Variants in SNX13 observed in about 807,000 individuals in gnomAD.
SNX13 encodes the protein sorting nexin 13.
A neutral mutation model predicts 133.6 loss-of-function variants in SNX13; 45 were observed. The observed-to-expected ratio is 0.34, with a 90% confidence interval of 0.27 to 0.43. The LOEUF (loss-of-function observed/expected upper bound fraction) is 0.43, where lower values mean the gene tolerates loss of function less well. Among genes scored for constraint, SNX13 ranks in the 20% least tolerant of loss-of-function variants. The pLI, the probability that SNX13 is intolerant of heterozygous loss-of-function variation, is 1.00. For synonymous variants in SNX13, 414 were observed against 373.9 expected, an observed-to-expected ratio of 1.11 and a Z score of -1.24; for missense variants, 1,032 against 1,145.1, an observed-to-expected ratio of 0.90 and a Z score of 1.43.
chr7:17,800,205 T>C (rs1784465333), intron 22 of SNX13, among the ~76,000 whole-genome samples: 1 of 151,836 alleles, frequency 6.6e-6, no homozygotes, highest in Admixed American at 6.6e-5. Context: ...ATGTTATGGA[T>C]ATTATACCAT....
chr7:17,889,546 A>G (rs1391678570), intron 5 of SNX13: 2 of 152,220 alleles, frequency 1.3e-5, no homozygotes, highest in Non-Finnish European at 2.9e-5. Context: ...TCTTTCTTTC[A>G]AAAATAAATA....
chr7:17,864,403 T>C lies in SNX13; in HGVS notation c.837+4004A>G, dbSNP rs1190023990. Among the ~76,000 whole-genome samples, 17 of 152,154 alleles carry C rather than the reference T, an allele frequency of 1.1e-4. 1 individual carries two copies. Among genetic ancestry groups the C allele is most frequent in the South Asian group, 2.1e-4 (1 of 4,824 alleles). On this transcript the variant is annotated intron_variant, in intron 9 of 25. Transcript: ENST00000428135. The stretch of plus-strand genomic sequence containing the variant: ...TGAAAAATTAATCAGAGTATCTTAA[T>C]AGCAGAATTGGTCCAGCAAAAGGAA...
Position 17,803,539 on chromosome 7 carries a change from A to G in SNX13, c.2106T>C (p.Asn702=). 6.2e-7 allele frequency: 1 copy of G among 1,611,584 alleles called. No individual in the cohort carries two copies. The highest frequency in any genetic ancestry group is 1.7e-5 in the Admixed American group (1 of 59,624). ...FVNPLRNSMR[N]VSNAVKSLPD... ...GAAGGGATTTAACTGCATTTGAAACATTCCTCATTGAATTGCGAAGTGGAT... is the reference window on the plus strand; with the variant it reads ...GAAGGGATTTAACTGCATTTGAAACGTTCCTCATTGAATTGCGAAGTGGAT... The change falls in exon 21 of 26, where the codon AAT becomes AAC. Residue 702 remains asparagine, a synonymous_variant. Coordinates refer to ENST00000428135, the MANE Select transcript of SNX13 (RefSeq NM_015132.5).
At chr7:17,871,144 G>C (rs966710166) in intron 8 of SNX13, among the ~76,000 whole-genome samples, 26 of 151,922 alleles carry the variant, frequency 1.7e-4, no homozygotes, top group Admixed American at 1.0e-3. Flanking sequence ...TAGCTGGGAT[G>C]ACAGGCGCCT....
At chr7:17,833,900 C>A (rs1357781083) in intron 15 of SNX13, among the ~76,000 whole-genome samples, 152 bp downstream of exon 15, 2 of 151,674 alleles carry the variant, frequency 1.3e-5, no homozygotes, top group Non-Finnish European at 3.0e-5. Flanking sequence ...AGTATAGTCA[C>A]TAAACTTTGT....
At chr7:17,846,666 TA>T (rs74828587) in intron 11 of SNX13, among the ~76,000 whole-genome samples, 1,471 of 146,376 alleles carry the variant, frequency 0.01, 21 homozygotes, top group Middle Eastern at 0.014. Flanking sequence ...TGTAGAGAAT[TA>T]AAAAAAAAAA....
At chr7:17,892,160 AC>A (rs1216710783) in intron 3 of SNX13, among the ~76,000 whole-genome samples, 6 of 152,136 alleles carry the variant, frequency 3.9e-5, no homozygotes, top group African/African-American at 1.4e-4. Context: ...TCTTAAAAAA[AC>A]AAACCATAAA....
chr7:17,875,381 C>A, intron 7 of SNX13, 99 bp downstream of exon 7: 3 of 835,232 alleles, frequency 3.6e-6, no homozygotes, highest in Non-Finnish European at 5.6e-6. Flanking sequence ...TGCTACCTGC[C>A]CTAAGTAAGA....
intron 9 of SNX13, among the ~76,000 whole-genome samples, chr7:17,860,018 G>A (rs938883281): frequency 9.2e-5 from 14 of 152,180 alleles, no homozygotes; most frequent in East Asian, 1.9e-4. Flanking sequence ...AGACCTAGAC[G>A]TGGGATTGTT....
intron 5 of SNX13, chr7:17,889,879 T>C (rs949583969): frequency 1.3e-5 from 2 of 152,272 alleles, no homozygotes; most frequent in African/African-American, 4.8e-5. Flanking sequence ...TAAACTTGAA[T>C]ATTTTCCACT....
intron 1 of SNX13, among the ~76,000 whole-genome samples, chr7:17,926,845 T>C (rs942545501): frequency 2.0e-5 from 3 of 152,144 alleles, no homozygotes; most frequent in African/African-American, 7.2e-5. Flanking sequence ...GTGTTCGTGC[T>C]ACTGCACTCT....
At chr7:17,926,172 A>G (rs1334035439) in intron 1 of SNX13, among the ~76,000 whole-genome samples, 1 of 152,216 alleles carries the variant, frequency 6.6e-6, no homozygotes, top group Non-Finnish European at 1.5e-5. Context: ...AGTAGAGAGA[A>G]AGCAAATATG....
At chr7:17,798,899 A>G in intron 23 of SNX13, 110 bp downstream of exon 23, 1 of 1,338,512 alleles carries the variant, frequency 7.5e-7, no homozygotes, top group Non-Finnish European at 1.0e-6. Context: ...ATGTCCTTAA[A>G]AGGCCCAGAG....
At chr7:17,896,142 C>A (rs111774306) in intron 2 of SNX13, among the ~76,000 whole-genome samples, 25 of 152,296 alleles carry the variant, frequency 1.6e-4, no homozygotes, top group African/African-American at 6.0e-4. Context: ...GGCTGCAGAT[C>A]TGTAGTATCT....
intron 1 of SNX13, among the ~76,000 whole-genome samples, chr7:17,919,528 C>T (rs1799903263): frequency 6.6e-6 from 1 of 152,134 alleles, no homozygotes; most frequent in Non-Finnish European, 1.5e-5. Context: ...AAAGAAAAAT[C>T]TTAATAGCAT....
At chr7:17,893,239 C>T (rs970190217) in intron 3 of SNX13, 93 bp downstream of exon 3, 89 of 780,834 alleles carry the variant, frequency 1.1e-4, no homozygotes, top group Admixed American at 1.9e-4. Context: ...GTAAACTATA[C>T]GAAAATTTGT....
At chr7:17,837,559 T>C (rs897627919) in intron 13 of SNX13, among the ~76,000 whole-genome samples, 2 of 152,008 alleles carry the variant, frequency 1.3e-5, no homozygotes, top group African/African-American at 2.4e-5. Context: ...CCAAAAACCA[T>C]ATATATGGCT....
chr7:17,891,470 T>C, intron 4 of SNX13, 76 bp downstream of exon 4: 4 of 1,031,958 alleles, frequency 3.9e-6, no homozygotes, highest in Non-Finnish European at 5.7e-6. Flanking sequence ...GAGCAAAAAG[T>C]ATTTCCTGGT....
At chr7:17,814,408 A>G (rs889724153) in intron 20 of SNX13, among the ~76,000 whole-genome samples, 1 of 152,052 alleles carries the variant, frequency 6.6e-6, no homozygotes, top group African/African-American at 2.4e-5. Flanking sequence ...TGGGTCTTAA[A>G]CCCTATTTTA....
Sources: allele counts gnomAD v4.1 joint callset (sites outside exome capture counted in the v4.1 genomes callset), GRCh38; gene constraint gnomAD v4.1.1; transcripts MANE v1.5; gene names NCBI Gene and HGNC (gene_info 2026-07-23, HGNC 2026-07-21).